Variants in ZNF711 observed in about 807,000 individuals in gnomAD.
ZNF711 encodes ZFX family zinc finger ZNF711, also known as zinc finger protein 711.
Under a neutral mutation model 43.5 loss-of-function variants are expected in ZNF711, and 3 were observed. The observed-to-expected ratio is 0.07, with a 90% CI of 0.03 to 0.18. ZNF711 has a LOEUF of 0.18. Among genes scored for constraint, ZNF711 ranks in the 10% least tolerant of loss-of-function variants. The probability of loss-of-function intolerance (pLI) is 1.00; values close to 1 mark genes in which losing one functional copy is unlikely to be tolerated. For synonymous variants in ZNF711, 209 were observed against 207.7 expected (o/e 1.01, Z -0.06); for missense variants, 412 against 604.0 (o/e 0.68, Z 3.33).
intron 5 of ZNF711, among the ~76,000 whole-genome samples, chrX:85,263,010 T>C (rs1423799420): frequency 1.8e-5 from 2 of 110,302 alleles, no homozygotes; most frequent in African/African-American, 6.5e-5. Context: ...GTTAGATGTA[T>C]GTAGGGGCTT....
chrX:85,268,480 AGG>A, intron 9 of ZNF711, 139 bp downstream of exon 9: 1 of 674,944 alleles, frequency 1.5e-6, no homozygotes, highest in Non-Finnish European at 2.2e-6. Context: ...CTAGTTAGTT[AGG>A]AGTTTCTTCT....
intron 9 of ZNF711, among the ~76,000 whole-genome samples, chrX:85,268,991 G>T (rs768118417): frequency 1.6e-4 from 18 of 111,598 alleles, no homozygotes; most frequent in Middle Eastern, 4.7e-3. Flanking sequence ...AGTTTTGTAG[G>T]TCTACATTTT....
Position 85,265,243 on chromosome X carries a change from G to C in ZNF711, c.904G>C (p.Glu302Gln). 1 of 1,208,151 alleles carries C rather than the reference G, an allele frequency of 8.3e-7. No individual in the cohort carries two copies. Among genetic ancestry groups the C allele is most frequent in the Non-Finnish European group, 1.1e-6 (1 of 893,335 alleles). The change falls in exon 7 of 11, where the codon GAA (glutamate) becomes CAA (glutamine). Residue 302 changes from glutamate to glutamine, a missense_variant. Coordinates refer to ENST00000674551, the MANE Select transcript of ZNF711 (RefSeq NM_001330574.2). ...GGCAGTTAAAGATTCTTCTCAAGAA[G>C]AAGATGATATCAGTAAGAAAATAAG... ...YMAVKDSSQE[E>Q]DDISCAEIAD... is the part of the protein sequence containing the mutation.
At position 85,266,764 on chromosome X, in the gene ZNF711, C is replaced by A. The variant is rs6617040; in HGVS notation, c.917-514C>A. 0.027 allele frequency among the ~76,000 whole-genome samples: 2,887 copies of A among 107,870 alleles called. 176 individuals carry two copies. The East Asian group carries it at 0.33, about 12-fold the overall frequency. 93.7% of individuals were successfully genotyped at this position (107,870 alleles called of 115,157 possible). On this transcript the variant is annotated intron_variant, in intron 7 of 10. Transcript: ENST00000674551. ...AAAATCTGGCCTATTGAAGAGTGTC[C>A]ACATATTCTTGATCACTAGCATTAT...
chrX:85,271,952 A>G lies in ZNF711; in HGVS notation c.*124A>G, dbSNP rs1037745149. 1.8e-6 allele frequency: 1 copy of G among 547,230 alleles called. No individual in the cohort carries two copies. The highest frequency in any genetic ancestry group is 2.3e-5 in the African/African-American group (1 of 43,052). The allele number at this position is 547,230 out of a possible 1,213,427, so 45.1% of individuals were successfully genotyped here. ...TAAACCATGACTTTACATTCTTTGT[A>G]TTAAAGATCTTAAAATATTTGAATT... On this transcript the variant is annotated 3_prime_UTR_variant, in exon 11 of 11. Coordinates refer to ENST00000674551, the MANE Select transcript of ZNF711 (RefSeq NM_001330574.2).
chrX:85,257,641 G>A (rs753443479), intron 5 of ZNF711, among the ~76,000 whole-genome samples: 1 of 112,526 alleles, frequency 8.9e-6, no homozygotes. Context: ...ACACAACTGT[G>A]TGTGTCTTCA....
At chrX:85,251,920 C>G (rs772782477) in intron 4 of ZNF711, among the ~76,000 whole-genome samples, 2 of 111,362 alleles carry the variant, frequency 1.8e-5, no homozygotes, top group Non-Finnish European at 3.8e-5. Context: ...TATATAACAT[C>G]TGTAAACCAT....
chrX:85,265,100 C>T lies in ZNF711; in HGVS notation c.779-18C>T, dbSNP rs747310660. The T allele has an allele frequency of 3.5e-5, 42 of 1,194,987 alleles. No homozygotes were observed. Among genetic ancestry groups the T allele is most frequent in the Non-Finnish European group, 4.0e-5 (35 of 883,855 alleles). ...TCCATGATACTTCTCTATTTTAATGCGTGTTTTAATTTTTAAGGTGGAACA... is the reference window on the plus strand; with the variant it reads ...TCCATGATACTTCTCTATTTTAATGTGTGTTTTAATTTTTAAGGTGGAACA... On this transcript the variant is annotated intron_variant, in intron 6 of 10. Coordinates refer to ENST00000674551, the MANE Select transcript of ZNF711 (RefSeq NM_001330574.2).
intron 1 of ZNF711, among the ~76,000 whole-genome samples, chrX:85,245,289 G>T (rs1369219360): frequency 1.8e-5 from 2 of 112,155 alleles, no homozygotes; most frequent in African/African-American, 6.5e-5. Context: ...TGCATTAATG[G>T]AAAGATGTTT....
intron 4 of ZNF711, among the ~76,000 whole-genome samples, chrX:85,254,801 CAAAA>C (rs376380248): frequency 2.8e-5 from 1 of 35,855 alleles, no homozygotes; most frequent in Non-Finnish European, 6.1e-5. Context: ...GACTCCGTCT[CAAAA>C]AAAAAAAAAA....
chrX:85,259,676 A>T (rs753144931), intron 5 of ZNF711, among the ~76,000 whole-genome samples: 3 of 110,271 alleles, frequency 2.7e-5, no homozygotes, highest in African/African-American at 3.3e-5. Context: ...TGCATTCTTG[A>T]TTTGGCTCTC....
chrX:85,269,338 C>T (rs1251171202), intron 9 of ZNF711, among the ~76,000 whole-genome samples: 1 of 107,710 alleles, frequency 9.3e-6, no homozygotes, highest in Non-Finnish European at 1.9e-5. Flanking sequence ...AATTCAGTTT[C>T]TTTTCTTTCT....
rs995774322 is a variant in ZNF711, at chrX:85,271,277, C to T, written c.1873C>T (p.Arg625Cys). 16 of 1,208,096 alleles carry T rather than the reference C, an allele frequency of 1.3e-5. No individual in the cohort carries two copies. The highest frequency in any genetic ancestry group is 5.9e-5 in the East Asian group (2 of 33,650). Residue 625 changes from arginine (R) to cysteine (C), a missense_variant, in exon 11 of 11, where the codon CGC (arginine) becomes TGC (cysteine). By Grantham distance (180) the Arg-to-Cys change is radical. Transcript: ENST00000674551. Reference protein sequence around the residue: ...QAFGDERELQRHLDLFQGHKT... With the variant: ...QAFGDERELQCHLDLFQGHKT... The stretch of plus-strand genomic sequence containing the variant: ...ATTTGGTGATGAGAGGGAGCTTCAA[C>T]GCCATCTGGATTTGTTTCAAGGACA...
In ZNF711 at chrX:85,263,286, A is replaced by AT. The variant is rs769710287; in HGVS notation, c.623-985dup. Among the ~76,000 whole-genome samples, 15 of 111,248 alleles carry AT rather than the reference A, an allele frequency of 1.3e-4. No individual in the cohort carries two copies. The East Asian group carries it at 3.4e-3, about 25-fold the overall frequency. On this transcript the variant is annotated intron_variant, in intron 5 of 10. Transcript: ENST00000674551. Reference sequence around the variant, plus strand: ...AAGACTATACAGTGGAGAATCAAAAATTTTAAGTGTATTTAAAATGTAAGC... The same window carrying AT: ...AAGACTATACAGTGGAGAATCAAAAATTTTTAAGTGTATTTAAAATGTAAGC...
intron 5 of ZNF711, 136 bp from the exon 6 acceptor site, chrX:85,264,139 A>G: frequency 2.0e-6 from 1 of 503,944 alleles, no homozygotes; most frequent in Admixed American, 3.1e-5. Flanking sequence ...TTAAGTGAAT[A>G]CAGTGGGTAG....
intron 7 of ZNF711, among the ~76,000 whole-genome samples, chrX:85,266,723 C>A (rs962204912): frequency 5.5e-5 from 6 of 108,916 alleles, no homozygotes; most frequent in African/African-American, 1.7e-4. Flanking sequence ...GCTTTCTCTC[C>A]TCAGTAGAAT....
chrX:85,266,914 T>A (rs1289038893), intron 7 of ZNF711, among the ~76,000 whole-genome samples: 1 of 108,004 alleles, frequency 9.3e-6, no homozygotes, highest in African/African-American at 3.4e-5. Context: ...TATGGACCAC[T>A]TTCTAGTATT....
chrX:85,244,234 C>A, intron 1 of ZNF711, 43 bp downstream of exon 1: 1 of 129,914 alleles, frequency 7.7e-6, no homozygotes, highest in Non-Finnish European at 1.5e-5. Flanking sequence ...CGTGGATCCA[C>A]CGCGTTCAGT....
intron 9 of ZNF711, 35 bp downstream of exon 9, chrX:85,268,376 G>A: frequency 5.3e-6 from 6 of 1,132,015 alleles, no homozygotes; most frequent in Non-Finnish European, 7.1e-6. Context: ...GTGAGTTAAA[G>A]TTCTGGCTTT....
Sources: gnomAD v4.1 joint callset for allele counts (sites outside exome capture counted in the v4.1 genomes callset) on GRCh38, gnomAD v4.1.1 for gene constraint, MANE v1.5 for transcripts, NCBI Gene and HGNC (gene_info 2026-07-23, HGNC 2026-07-21) for gene names.